The following MIPOL1 variants were observed in gnomAD, a reference collection of about 807,000 sequenced individuals.
MIPOL1 encodes mirror-image polydactyly 1, also known as mirror-image polydactyly gene 1 protein.
Under a neutral mutation model 60.9 loss-of-function variants are expected in MIPOL1, and 57 were observed. The ratio of observed to expected loss-of-function variants is 0.94; its 90% CI spans 0.76 to 1.17. The LOEUF (loss-of-function observed/expected upper bound fraction) is 1.17, where lower values mean the gene tolerates loss of function less well. Among genes scored for constraint, MIPOL1 ranks in the 50% most tolerant of loss-of-function variants. The pLI, the probability that MIPOL1 is intolerant of heterozygous loss-of-function variation, is 0.00. For synonymous variants in MIPOL1, 179 were observed against 168.8 expected, an observed-to-expected ratio of 1.06 and a Z score of -0.47; for missense variants, 551 against 511.6, an observed-to-expected ratio of 1.08 and a Z score of -0.74.
chr14:37,539,373 G>A (rs2095520707), intron 12 of MIPOL1, among the ~76,000 whole-genome samples: 1 of 152,148 alleles, frequency 6.6e-6, no homozygotes, highest in African/African-American at 2.4e-5. Flanking sequence ...TGCTGGCAAA[G>A]CAGGCCCAGG....
chr14:37,309,098 G>T (rs548960204), intron 9 of MIPOL1, among the ~76,000 whole-genome samples: 114 of 137,178 alleles, frequency 8.3e-4, no homozygotes, highest in African/African-American at 3.2e-3. Context: ...CTTGTTTCTT[G>T]TTATTTTATT....
At chr14:37,526,152 T>C (rs2095444805) in intron 12 of MIPOL1, among the ~76,000 whole-genome samples, 2 of 151,468 alleles carry the variant, frequency 1.3e-5, no homozygotes, top group Non-Finnish European at 2.9e-5. Flanking sequence ...TAAATATTAG[T>C]CTCTCATAAT....
chr14:37,498,915 C>A (rs560347068), intron 11 of MIPOL1, among the ~76,000 whole-genome samples: 2 of 152,178 alleles, frequency 1.3e-5, no homozygotes, highest in Admixed American at 6.5e-5. Context: ...TAGGACAATG[C>A]CAAAGTTCAC....
At chr14:37,356,628 T>A (rs1223650020) in intron 9 of MIPOL1, among the ~76,000 whole-genome samples, 1 of 152,214 alleles carries the variant, frequency 6.6e-6, no homozygotes, top group Non-Finnish European at 1.5e-5. Flanking sequence ...TTTTTAAGCC[T>A]GTCAGAAAAG....
At chr14:37,481,609 ACAC>A (rs1566684082) in intron 11 of MIPOL1, among the ~76,000 whole-genome samples, 63 of 141,688 alleles carry the variant, frequency 4.4e-4, no homozygotes, top group African/African-American at 1.6e-3. Context: ...ACACACACAC[ACAC>A]CGAAACCACA....
intron 11 of MIPOL1, among the ~76,000 whole-genome samples, chr14:37,487,754 G>C (rs1442834405): frequency 6.6e-6 from 1 of 151,458 alleles, no homozygotes; most frequent in Non-Finnish European, 1.5e-5. Flanking sequence ...CTGGCTAGCG[G>C]TCTATTTTGT....
chr14:37,346,057 C>T (rs1422654737), intron 9 of MIPOL1, among the ~76,000 whole-genome samples: 1 of 152,234 alleles, frequency 6.6e-6, no homozygotes, highest in South Asian at 2.1e-4. Context: ...TGGATGAGCA[C>T]GATGGCTCAC....
chr14:37,359,896 CCGGTTTT>C (rs1309881110), intron 9 of MIPOL1, among the ~76,000 whole-genome samples: 23 of 152,214 alleles, frequency 1.5e-4, no homozygotes, highest in African/African-American at 4.3e-4. Context: ...TTGTCTTGTG[CCGGTTTT>C]CAAAGGGAAT....
intron 7 of MIPOL1, among the ~76,000 whole-genome samples, chr14:37,297,974 A>G (rs1404145397): frequency 6.6e-6 from 1 of 152,188 alleles, no homozygotes; most frequent in Non-Finnish European, 1.5e-5. Context: ...TGGAAGCAAA[A>G]AAGAGCCCGC....
chr14:37,287,882 G>A (rs2084710137), intron 7 of MIPOL1, among the ~76,000 whole-genome samples: 2 of 151,418 alleles, frequency 1.3e-5, no homozygotes, highest in African/African-American at 4.9e-5. Context: ...GCCTGCCTCA[G>A]CCTCCCAAAG....
At chr14:37,336,766 A>AT (rs1322827478) in intron 9 of MIPOL1, among the ~76,000 whole-genome samples, 8 of 149,638 alleles carry the variant, frequency 5.3e-5, no homozygotes, top group Non-Finnish European at 1.2e-4. Flanking sequence ...AAATTTTTTT[A>AT]TTTTTTTATT....
intron 6 of MIPOL1, chr14:37,278,827 A>T (rs1036667742): frequency 6.6e-6 from 1 of 151,848 alleles, no homozygotes; most frequent in African/African-American, 2.4e-5. Flanking sequence ...GGGTCTACTA[A>T]GAAAATATGT....
chr14:37,400,430 T>G (rs1304104138), intron 10 of MIPOL1: 1 of 152,102 alleles, frequency 6.6e-6, no homozygotes, highest in African/African-American at 2.4e-5. Flanking sequence ...GTTTAGAAAG[T>G]GCCTTACTTA....
intron 9 of MIPOL1, among the ~76,000 whole-genome samples, chr14:37,355,895 C>G (rs1432972111): frequency 1.3e-5 from 2 of 148,786 alleles, no homozygotes; most frequent in Admixed American, 1.3e-4. Flanking sequence ...CTGAAGCCTT[C>G]TTCTCTCAGC....
intron 1 of MIPOL1, among the ~76,000 whole-genome samples, chr14:37,227,258 A>G (rs1969898478): frequency 6.6e-6 from 1 of 152,102 alleles, no homozygotes; most frequent in South Asian, 2.1e-4. Flanking sequence ...CTTCTTAGAG[A>G]CTGCTTGCTG....
At chr14:37,295,602 G>A (rs1183147382) in intron 7 of MIPOL1, among the ~76,000 whole-genome samples, 4 of 152,136 alleles carry the variant, frequency 2.6e-5, no homozygotes, top group African/African-American at 7.2e-5. Context: ...TAAAGGGATG[G>A]AGGAAGATCT....
intron 9 of MIPOL1, among the ~76,000 whole-genome samples, chr14:37,317,953 A>G (rs985073838): frequency 2.0e-5 from 3 of 152,180 alleles, no homozygotes; most frequent in African/African-American, 7.2e-5. Context: ...CCTTGTTGTA[A>G]CAAGTATAGA....
At chr14:37,449,927 C>T (rs2094393387) in intron 11 of MIPOL1, among the ~76,000 whole-genome samples, 1 of 152,124 alleles carries the variant, frequency 6.6e-6, no homozygotes, top group South Asian at 2.1e-4. Flanking sequence ...ATTCTCCTGC[C>T]TCAGCCTTTC....
At chr14:37,478,539 T>C (rs1374718785) in intron 11 of MIPOL1, among the ~76,000 whole-genome samples, 1 of 151,836 alleles carries the variant, frequency 6.6e-6, no homozygotes, top group Non-Finnish European at 1.5e-5. Flanking sequence ...AGAAAACAAT[T>C]AGCAAAATGG....
Sources: allele counts gnomAD v4.1 joint callset (sites outside exome capture counted in the v4.1 genomes callset), GRCh38; gene constraint gnomAD v4.1.1; transcripts MANE v1.5; gene names NCBI Gene and HGNC (gene_info 2026-07-23, HGNC 2026-07-21).